Variants in VIPR2 observed in about 807,000 individuals in gnomAD.
VIPR2 encodes the protein vasoactive intestinal peptide receptor 2.
A neutral mutation model predicts 58.0 loss-of-function variants in VIPR2; 48 were observed. The ratio of observed to expected loss-of-function variants is 0.83; its 90% CI spans 0.66 to 1.05. The LOEUF (loss-of-function observed/expected upper bound fraction) is 1.05. Among genes scored for constraint, VIPR2 ranks in the 50% least tolerant of loss-of-function variants. The pLI is 0.00. For synonymous variants in VIPR2, 243 were observed against 235.2 expected, an observed-to-expected ratio of 1.03 and a Z score of -0.30; for missense variants, 534 against 558.0, an observed-to-expected ratio of 0.96 and a Z score of 0.43.
At position 159,098,103 on chromosome 7, in the gene VIPR2, G is replaced by C. The variant is rs577347214; in HGVS notation, c.357+5654C>G. Among the ~76,000 whole-genome samples, 1 of 152,164 alleles carries C rather than the reference G, an allele frequency of 6.6e-6. No homozygotes were observed. The highest frequency in any genetic ancestry group is 1.5e-5 in the Non-Finnish European group (1 of 68,032). On this transcript the variant is annotated intron_variant, in intron 4 of 12. Coordinates refer to ENST00000262178, the MANE Select transcript of VIPR2 (RefSeq NM_003382.5). This position sits in a 1 kb window ranked among gnomAD's most constrained non-coding sequence, Gnocchi z 5.2. ...GCCTCACACCAGCCCGGCCACTGCC[G>C]CTCCCGTCCTCTGCCTGAGCTGTTC...
At position 159,098,222 on chromosome 7, in the gene VIPR2, G is replaced by A. The variant is rs181810566; in HGVS notation, c.357+5535C>T. On this transcript the variant is annotated intron_variant, in intron 4 of 12. Coordinates refer to ENST00000262178, the MANE Select transcript of VIPR2 (RefSeq NM_003382.5). This position sits in a 1 kb window ranked among gnomAD's most constrained non-coding sequence, Gnocchi z 5.2. The stretch of plus-strand genomic sequence containing the variant: ...CAGGGCAGGGCAGGGCCGGGTGGTC[G>A]GGCCCCAGCACACGGCTCGGGGAGC... 2.6e-5 allele frequency among the ~76,000 whole-genome samples: 4 copies of A among 152,314 alleles called. No individual in the cohort carries two copies. The highest frequency in any genetic ancestry group is 4.4e-5 in the Non-Finnish European group (3 of 68,004).
At chr7:159,114,920 G>A (rs1381516482) in intron 2 of VIPR2, among the ~76,000 whole-genome samples, 1 of 152,202 alleles carries the variant, frequency 6.6e-6, no homozygotes, top group Non-Finnish European at 1.5e-5. Flanking sequence ...TACAACTGAG[G>A]AGCCAGGTTG....
intron 2 of VIPR2, among the ~76,000 whole-genome samples, chr7:159,135,420 C>T (rs1408330022): frequency 4.0e-5 from 6 of 150,962 alleles, no homozygotes; most frequent in East Asian, 4.0e-4. Context: ...TGACAGAGTG[C>T]GTGAGGCTCC....
intron 4 of VIPR2, among the ~76,000 whole-genome samples, chr7:159,090,139 G>A (rs1158262162): frequency 7.6e-5 from 10 of 131,284 alleles, no homozygotes; most frequent in African/African-American, 2.1e-4. Context: ...GCACAGACAC[G>A]CTGGGACCAC....
At position 159,127,554 on chromosome 7, in the gene VIPR2, G is replaced by A. The variant is rs1259230963; in HGVS notation, c.151+14892C>T. 6.6e-6 allele frequency among the ~76,000 whole-genome samples: 1 copy of A among 152,146 alleles called. No individual in the cohort carries two copies. The highest frequency in any genetic ancestry group is 1.5e-5 in the Non-Finnish European group (1 of 68,038). On this transcript the variant is annotated intron_variant, in intron 2 of 12. Coordinates refer to ENST00000262178, the MANE Select transcript of VIPR2 (RefSeq NM_003382.5). The surrounding 1 kb of genome is among the most constrained non-coding windows in gnomAD (Gnocchi z 4.6). ...AGCCTGAGTCAGTCCAATACATGTG[G>A]TTGGGATCCCTGACCAGCCATCTCT...
At chr7:159,094,418 G>A (rs1296344861) in intron 4 of VIPR2, among the ~76,000 whole-genome samples, 1 of 152,226 alleles carries the variant, frequency 6.6e-6, no homozygotes, top group Non-Finnish European at 1.5e-5. Context: ...AGCCCTTGGA[G>A]CCCCTGACCC....
At chr7:159,055,611 G>A (rs916667797) in intron 5 of VIPR2, among the ~76,000 whole-genome samples, 2 of 151,842 alleles carry the variant, frequency 1.3e-5, no homozygotes, top group Admixed American at 6.6e-5. Context: ...GTCCCCCACC[G>A]GTGCCGTTTT....
intron 2 of VIPR2, among the ~76,000 whole-genome samples, chr7:159,122,042 C>A (rs1311767647): frequency 2.6e-5 from 4 of 152,350 alleles, no homozygotes; most frequent in Admixed American, 2.0e-4. Flanking sequence ...GTGCTAGCAA[C>A]CGCACAGGTG....
At chr7:159,034,038 T>C (rs1472348307) in intron 10 of VIPR2, among the ~76,000 whole-genome samples, 175 bp downstream of exon 10, 2 of 152,220 alleles carry the variant, frequency 1.3e-5, no homozygotes, top group Non-Finnish European at 2.9e-5. Context: ...AGGGAAATGC[T>C]GTCCAGGGCC....
chr7:159,137,179 T>C (rs1797265453), intron 2 of VIPR2, among the ~76,000 whole-genome samples: 1 of 152,126 alleles, frequency 6.6e-6, no homozygotes, highest in African/African-American at 2.4e-5. Context: ...TGACCCACTG[T>C]GGTCACCCAG....
intron 4 of VIPR2, among the ~76,000 whole-genome samples, chr7:159,078,430 C>T (rs73730154): frequency 0.059 from 9,007 of 152,218 alleles, 562 homozygotes; most frequent in African/African-American, 0.16. Flanking sequence ...AATCATGACA[C>T]GGTTCAACAC....
chr7:159,144,199 T>C (rs1797593183), intron 1 of VIPR2: 2 of 1,179,262 alleles, frequency 1.7e-6, no homozygotes, highest in East Asian at 3.1e-5. Flanking sequence ...AACAAACTTA[T>C]GAGCAGTTAG....
At chr7:159,049,578 C>T (rs760402600) in intron 5 of VIPR2, among the ~76,000 whole-genome samples, 2 of 152,156 alleles carry the variant, frequency 1.3e-5, no homozygotes, top group African/African-American at 2.4e-5. Flanking sequence ...GGGTGACCCT[C>T]GGGGAGCAAC....
At chr7:159,062,716 G>C (rs571588972) in intron 4 of VIPR2, among the ~76,000 whole-genome samples, 2 of 152,232 alleles carry the variant, frequency 1.3e-5, no homozygotes, top group South Asian at 2.1e-4. Context: ...AAAAGAACAC[G>C]ACTGCCACAG....
intron 4 of VIPR2, among the ~76,000 whole-genome samples, chr7:159,092,171 A>G (rs1857543236): frequency 6.6e-6 from 1 of 152,142 alleles, no homozygotes; most frequent in Non-Finnish European, 1.5e-5. Context: ...CAGACTGCCC[A>G]CCTCCGCCTG....
chr7:159,121,391 C>G lies in VIPR2; in HGVS notation c.152-11472G>C, dbSNP rs73527867. The stretch of plus-strand genomic sequence containing the variant: ...AAGGGCAGAGGTAACTATCAGGACA[C>G]CACTTCTGAGTCCAGCAACGTCAGG... On this transcript the variant is annotated intron_variant, in intron 2 of 12. Transcript: ENST00000262178. 6.3e-3 allele frequency among the ~76,000 whole-genome samples: 953 copies of G among 152,250 alleles called. 9 individuals carry two copies. Among genetic ancestry groups the G allele is most frequent in the African/African-American group, 0.022 (905 of 41,532 alleles).
At chr7:159,036,068 G>A in intron 7 of VIPR2, 56 bp from the exon 8 acceptor site, 1 of 1,560,286 alleles carries the variant, frequency 6.4e-7, no homozygotes, top group South Asian at 1.2e-5. Flanking sequence ...ACGCACACAG[G>A]TGGGTGCCTT....
intron 2 of VIPR2, among the ~76,000 whole-genome samples, chr7:159,134,847 C>CG (rs1797133693): frequency 6.6e-6 from 1 of 151,634 alleles, no homozygotes; most frequent in Non-Finnish European, 1.5e-5. Context: ...TTAGTAGAGA[C>CG]GGGGTCTCAC....
At chr7:159,103,032 G>A (rs143256367) in intron 4 of VIPR2, among the ~76,000 whole-genome samples, 247 of 152,366 alleles carry the variant, frequency 1.6e-3, no homozygotes, top group Non-Finnish European at 2.6e-3. Flanking sequence ...GCCCTCAGGA[G>A]AAGCAGCTGT....
Sources: gnomAD v4.1 joint callset for allele counts (sites outside exome capture counted in the v4.1 genomes callset) on GRCh38, gnomAD v4.1.1 for gene constraint, Gnocchi (gnomAD v3.1) non-coding constraint, MANE v1.5 for transcripts, NCBI Gene and HGNC (gene_info 2026-07-23, HGNC 2026-07-21) for gene names.